The following MND1 variants were observed in gnomAD, a reference collection of about 807,000 sequenced individuals.
The protein encoded by MND1 is meiotic nuclear division protein 1 homolog.
MND1 carries 28 observed loss-of-function variants against 35.1 expected under a neutral mutation model. The observed-to-expected ratio is 0.80, with a 90% CI of 0.59 to 1.09. The LOEUF (loss-of-function observed/expected upper bound fraction) is 1.09, where lower values mean the gene tolerates loss of function less well. MND1 is among the 50% of genes least tolerant of loss of function. MND1 has a pLI of 0.00. For synonymous variants in MND1, 69 were observed against 70.5 expected, an observed-to-expected ratio of 0.98 and a Z score of 0.11; for missense variants, 213 against 239.6, an observed-to-expected ratio of 0.89 and a Z score of 0.73.
At chr4:153,401,622 C>G (rs984724287) in intron 6 of MND1, among the ~76,000 whole-genome samples, 13 of 152,030 alleles carry the variant, frequency 8.6e-5, no homozygotes, top group Admixed American at 2.6e-4. Context: ...TAACGCAGAA[C>G]AGATTATACT....
chr4:153,372,622 C>T (rs1222729508), intron 4 of MND1, among the ~76,000 whole-genome samples: 2 of 152,134 alleles, frequency 1.3e-5, no homozygotes, highest in Non-Finnish European at 2.9e-5. Flanking sequence ...CTACACTGCT[C>T]CCCTCCTCCT....
chr4:153,412,897 C>G (rs558005720), intron 7 of MND1, among the ~76,000 whole-genome samples: 1 of 151,192 alleles, frequency 6.6e-6, no homozygotes, highest in Non-Finnish European at 1.5e-5. Context: ...CTCTGCCTCC[C>G]GGGTTCAAGC....
intron 5 of MND1, among the ~76,000 whole-genome samples, chr4:153,395,502 A>G (rs889896910): frequency 2.0e-5 from 3 of 152,154 alleles, no homozygotes; most frequent in Non-Finnish European, 4.4e-5. Context: ...GCTCATCCTG[A>G]TCTTACCAGC....
In MND1 at chr4:153,352,696, A is replaced by G. The variant is rs116577358; in HGVS notation, c.69+2567A>G. ...TGAGGTTGTAGTGAGCCATGATCAC[A>G]CTCTGTCACTCAGGCACTCTAGCCC... On this transcript the variant is annotated intron_variant, in intron 2 of 7. Coordinates refer to ENST00000240488, the MANE Select transcript of MND1 (RefSeq NM_032117.4). Among the ~76,000 whole-genome samples the G allele has an allele frequency of 2.3e-3, 339 of 146,264 alleles. 1 individual carries two copies. Among genetic ancestry groups the G allele is most frequent in the African/African-American group, 8.5e-3 (334 of 39,268 alleles).
intron 4 of MND1, among the ~76,000 whole-genome samples, chr4:153,359,507 G>C (rs1479060348): frequency 6.6e-6 from 1 of 152,176 alleles, no homozygotes; most frequent in Non-Finnish European, 1.5e-5. Flanking sequence ...TTCATGTGTA[G>C]GTTTTGTGTA....
rs549994792 is a variant in MND1, at chr4:153,362,928, A to G, written c.276+4306A>G. The G allele has an allele frequency of 1.3e-3, 1,077 of 839,846 alleles. 3 individuals carry two copies. The highest frequency in any genetic ancestry group is 1.5e-3 in the Non-Finnish European group (1,023 of 697,424). 52.0% of individuals were successfully genotyped at this position (839,846 alleles called of 1,614,324 possible). On this transcript the variant is annotated intron_variant, in intron 4 of 7. Coordinates refer to ENST00000240488, the MANE Select transcript of MND1 (RefSeq NM_032117.4). Reference sequence around the variant, plus strand: ...ATGTTTTATACAGGATGAGTACTGCATAAAATTTAGTATGCATGTCTATAC... The same window carrying G: ...ATGTTTTATACAGGATGAGTACTGCGTAAAATTTAGTATGCATGTCTATAC...
At chr4:153,404,680 TG>T (rs1729444919) in intron 6 of MND1, among the ~76,000 whole-genome samples, 10 of 151,704 alleles carry the variant, frequency 6.6e-5, no homozygotes, top group Non-Finnish European at 1.3e-4. Context: ...GGTTTCGCCA[TG>T]TTGGCCAGGC....
chr4:153,382,614 G>A (rs1283312220), intron 4 of MND1, among the ~76,000 whole-genome samples: 1 of 152,010 alleles, frequency 6.6e-6, no homozygotes. Flanking sequence ...AAATTTAATG[G>A]GAAGTTTATT....
intron 5 of MND1, 124 bp from the exon 6 acceptor site, chr4:153,397,095 T>A (rs1729216143): frequency 5.0e-6 from 3 of 596,414 alleles, no homozygotes; most frequent in Non-Finnish European, 8.8e-6. Flanking sequence ...CTTATATATA[T>A]AATGTCAAAA....
chr4:153,358,299 T>A (rs750628222), intron 3 of MND1, among the ~76,000 whole-genome samples, 175 bp from the exon 4 acceptor site: 5 of 152,234 alleles, frequency 3.3e-5, no homozygotes, highest in Non-Finnish European at 7.3e-5. Context: ...GGATACATTC[T>A]AAGAAATGTT....
At chr4:153,374,122 G>A (rs994738264) in intron 4 of MND1, among the ~76,000 whole-genome samples, 3 of 152,162 alleles carry the variant, frequency 2.0e-5, no homozygotes, top group Admixed American at 2.0e-4. Flanking sequence ...ACTTCAAGGC[G>A]GTTGTAGTGA....
rs531490220 is a variant in MND1, at chr4:153,349,369, ACT to A, written c.4-692_4-691del. On this transcript the variant is annotated intron_variant, in intron 1 of 7. Coordinates refer to ENST00000240488, the MANE Select transcript of MND1 (RefSeq NM_032117.4). The stretch of plus-strand genomic sequence containing the variant: ...CTATAATTAACTTAACGAAAATGCA[ACT>A]CTAATCTTGTCACTAGTCTGCTTTA... Among the ~76,000 whole-genome samples the A allele has an allele frequency of 3.2e-4, 48 of 152,018 alleles. 1 individual carries two copies. The East Asian group carries it at 8.3e-3, about 26-fold the overall frequency.
chr4:153,378,606 T>C (rs749315296), intron 4 of MND1, among the ~76,000 whole-genome samples: 3 of 152,216 alleles, frequency 2.0e-5, no homozygotes, highest in Non-Finnish European at 4.4e-5. Context: ...AAATGCTGCC[T>C]AAGTTTATGG....
intron 4 of MND1, chr4:153,361,632 G>T: frequency 4.5e-6 from 2 of 444,652 alleles, no homozygotes; most frequent in South Asian, 3.2e-5. Flanking sequence ...GAGGTCAGGA[G>T]ATCAAGACCA....
At chr4:153,344,867 GCT>G in intron 1 of MND1, 127 bp downstream of exon 1, 1 of 1,468,870 alleles carries the variant, frequency 6.8e-7, no homozygotes, top group Non-Finnish European at 9.1e-7. Flanking sequence ...CGGTCGCCCG[GCT>G]CTCGGCCTCA....
intron 4 of MND1, among the ~76,000 whole-genome samples, chr4:153,364,835 C>T (rs1175050668): frequency 6.6e-6 from 1 of 152,104 alleles, no homozygotes; most frequent in African/African-American, 2.4e-5. Flanking sequence ...CCTTAGCCTC[C>T]TGAGTAGCTA....
Position 153,409,023 on chromosome 4 carries a change from C to A in MND1, c.511+8C>A. Reference sequence around the variant, plus strand: ...CTGCTAACAGATGGACTGGTATGTACTATAATAATGCTGATAAACTATAGC... The same window carrying A: ...CTGCTAACAGATGGACTGGTATGTAATATAATAATGCTGATAAACTATAGC... On this transcript the variant is annotated splice_region_variant and intron_variant, in intron 7 of 7. Transcript: ENST00000240488. 7.3e-7 allele frequency: 1 copy of A among 1,368,786 alleles called. No homozygotes were observed. The highest frequency in any genetic ancestry group is 9.5e-7 in the Non-Finnish European group (1 of 1,053,134). The allele number at this position is 1,368,786 out of a possible 1,614,324, so 84.8% of individuals were successfully genotyped here.
chr4:153,355,651 C>A lies in MND1; in HGVS notation c.70-3C>A. On this transcript the variant is annotated splice_polypyrimidine_tract_variant and splice_region_variant and intron_variant, in intron 2 of 7. Coordinates refer to ENST00000240488, the MANE Select transcript of MND1 (RefSeq NM_032117.4). Reference sequence around the variant, plus strand: ...TTCATTTTCTTTAAAACCCTTTAAACAGAAAGATGTATTTCAATTAAAAGA... The same window carrying A: ...TTCATTTTCTTTAAAACCCTTTAAAAAGAAAGATGTATTTCAATTAAAAGA... The A allele has an allele frequency of 1.3e-6, 2 of 1,565,270 alleles. No homozygotes were observed. The highest frequency in any genetic ancestry group is 1.4e-5 in the African/African-American group (1 of 73,610).
chr4:153,362,999 C>A (rs1436383111), intron 4 of MND1: 1 of 985,410 alleles, frequency 1.0e-6, no homozygotes, highest in Non-Finnish European at 1.2e-6. Context: ...GACTTTCCCC[C>A]ACCCCCACAT....
Sources: gnomAD v4.1 joint callset for allele counts (sites outside exome capture counted in the v4.1 genomes callset) on GRCh38, gnomAD v4.1.1 for gene constraint, MANE v1.5 for transcripts, NCBI Gene and HGNC (gene_info 2026-07-23, HGNC 2026-07-21) for gene names.